The following ANK2 variants were observed in gnomAD, a reference collection of about 807,000 sequenced individuals.
The protein encoded by ANK2 is ankyrin-2.
ANK2 carries 83 observed loss-of-function variants against 360.5 expected under a neutral mutation model. The observed-to-expected ratio is 0.23, with a 90% CI of 0.19 to 0.28. The LOEUF is 0.28. Ranked by LOEUF, ANK2 falls within the 10% of genes least tolerant of loss-of-function variation. The pLI, the probability that ANK2 is intolerant of heterozygous loss-of-function variation, is 1.00. For missense variants in ANK2, 4,201 were observed against 4,795.7 expected (o/e 0.88, Z 3.66); for synonymous variants, 1,740 against 1,759.5 (o/e 0.99, Z 0.28).
chr4:113,209,018 A>C (rs929997722), intron 4 of ANK2, among the ~76,000 whole-genome samples: 1 of 152,042 alleles, frequency 6.6e-6, no homozygotes, highest in African/African-American at 2.4e-5. Context: ...GCTAAAAATC[A>C]ACTAACAGAA....
the ANK2 span, among the ~76,000 whole-genome samples, chr4:112,778,485 T>A: frequency 6.6e-6 from 1 of 152,146 alleles, no homozygotes; most frequent in Admixed American, 6.6e-5. Context: ...AAATATGACT[T>A]CTAATTAACT....
At chr4:112,751,370 C>G in the ANK2 span, among the ~76,000 whole-genome samples, 3 of 152,188 alleles carry the variant, frequency 2.0e-5, no homozygotes, top group Non-Finnish European at 4.4e-5. Flanking sequence ...AAGCTGCAGT[C>G]CAGTCCTGGC....
chr4:113,370,784 A>C (rs913988727), intron 43 of ANK2, among the ~76,000 whole-genome samples: 27 of 152,108 alleles, frequency 1.8e-4, no homozygotes, highest in African/African-American at 6.0e-4. Context: ...AAATTGATCA[A>C]CAATTTATTC....
At chr4:113,362,623 T>A (rs1418085054) in intron 39 of ANK2, among the ~76,000 whole-genome samples, 1 of 152,146 alleles carries the variant, frequency 6.6e-6, no homozygotes, top group South Asian at 2.1e-4. Flanking sequence ...TTTTTAAAAT[T>A]ATTTTTTGTA....
chr4:113,334,584 A>G (rs369761561), intron 29 of ANK2, among the ~76,000 whole-genome samples: 3 of 144,444 alleles, frequency 2.1e-5, no homozygotes, highest in South Asian at 2.2e-4. Context: ...ATTACTAGAA[A>G]GTTAATAGAT....
intron 1 of ANK2, among the ~76,000 whole-genome samples, chr4:113,112,636 G>A (rs1449320211): frequency 6.6e-6 from 1 of 152,130 alleles, no homozygotes; most frequent in Admixed American, 6.5e-5. Context: ...TCTTCTTTAT[G>A]TCAAGGGGTG....
chr4:113,056,648 A>G (rs2070050357), intron 1 of ANK2, among the ~76,000 whole-genome samples: 1 of 152,164 alleles, frequency 6.6e-6, no homozygotes, highest in African/African-American at 2.4e-5. Context: ...CAATCTTTTG[A>G]TAGAAAAAGT....
At chr4:113,201,195 A>T (rs1434806621) in intron 4 of ANK2, among the ~76,000 whole-genome samples, 1 of 152,096 alleles carries the variant, frequency 6.6e-6, no homozygotes, top group Non-Finnish European at 1.5e-5. Context: ...AGCTATCCCA[A>T]TGCTGGAAAA....
At chr4:113,082,254 T>C (rs975977946) in intron 1 of ANK2, among the ~76,000 whole-genome samples, 1 of 152,254 alleles carries the variant, frequency 6.6e-6, no homozygotes, top group African/African-American at 2.4e-5. Context: ...GTGTGTAGAA[T>C]AACTCAGGCT....
At chr4:113,081,557 C>A (rs1405147172) in intron 1 of ANK2, among the ~76,000 whole-genome samples, 1 of 152,098 alleles carries the variant, frequency 6.6e-6, no homozygotes, top group African/African-American at 2.4e-5. Context: ...ATTTTATTAT[C>A]ATTCCAGTTC....
At chr4:112,810,146 TATATATATATA>T in the ANK2 span, among the ~76,000 whole-genome samples, 6 of 22,092 alleles carry the variant, frequency 2.7e-4, no homozygotes, top group African/African-American at 1.1e-3. Flanking sequence ...TATATATATA[TATATATATATA>T]TATTTTTTTT....
chr4:113,041,814 C>T (rs1370268597), intron 2 of ANK2, among the ~76,000 whole-genome samples: 2 of 152,066 alleles, frequency 1.3e-5, no homozygotes, highest in Non-Finnish European at 2.9e-5. Flanking sequence ...TGGTGAGGGC[C>T]CAGGTCCACT....
At chr4:113,238,664 G>C (rs899468006) in intron 7 of ANK2, among the ~76,000 whole-genome samples, 23 of 152,152 alleles carry the variant, frequency 1.5e-4, no homozygotes, top group African/African-American at 5.3e-4. Context: ...TCTAAACATT[G>C]TGAAAGCAGA....
intron 2 of ANK2, among the ~76,000 whole-genome samples, chr4:112,970,216 T>A (rs2038998799): frequency 6.6e-6 from 1 of 151,994 alleles, no homozygotes; most frequent in African/African-American, 2.4e-5. Flanking sequence ...GAACTCTGCC[T>A]GCCTCGGCCT....
intron 1 of ANK2, among the ~76,000 whole-genome samples, chr4:112,855,645 T>C (rs936681244): frequency 6.6e-6 from 1 of 152,216 alleles, no homozygotes; most frequent in Non-Finnish European, 1.5e-5. Context: ...ATTACATGTA[T>C]TAACAATGCT....
At chr4:112,800,077 A>C in the ANK2 span, among the ~76,000 whole-genome samples, 1 of 152,174 alleles carries the variant, frequency 6.6e-6, no homozygotes, top group African/African-American at 2.4e-5. Context: ...GGGTCAATGA[A>C]ATGGAGTATA....
intron 2 of ANK2, among the ~76,000 whole-genome samples, chr4:112,991,236 CAAAA>C (rs10687542): frequency 8.2e-6 from 1 of 122,320 alleles, no homozygotes; most frequent in Non-Finnish European, 1.7e-5. Context: ...GACAGAGCCT[CAAAA>C]AAAAAAAAAA....
chr4:112,725,236 T>G, the ANK2 span, among the ~76,000 whole-genome samples: 1 of 137,612 alleles, frequency 7.3e-6, no homozygotes, highest in African/African-American at 2.8e-5. Context: ...GAGCCGAGAT[T>G]GCGCCACTGC....
At chr4:113,035,519 C>T (rs1220550526) in intron 2 of ANK2, among the ~76,000 whole-genome samples, 2 of 151,834 alleles carry the variant, frequency 1.3e-5, no homozygotes, top group Non-Finnish European at 2.9e-5. Flanking sequence ...AAAATTTGAT[C>T]ATACTGTATT....
Sources: gnomAD v4.1 joint callset for allele counts (sites outside exome capture counted in the v4.1 genomes callset) on GRCh38, gnomAD v4.1.1 for gene constraint, MANE v1.5 for transcripts, NCBI Gene and HGNC (gene_info 2026-07-23, HGNC 2026-07-21) for gene names.